METTL15: variants seen among roughly 807,000 people sequenced by gnomAD.
The protein encoded by METTL15 is 12S rRNA N(4)-cytidine methyltransferase METTL15.
A neutral mutation model predicts 38.3 loss-of-function variants in METTL15; 34 were observed. The observed-to-expected ratio is 0.89, with a 90% confidence interval of 0.68 to 1.18. The LOEUF (loss-of-function observed/expected upper bound fraction) is 1.18, where lower values mean the gene tolerates loss of function less well. Among genes scored for constraint, METTL15 ranks in the 50% most tolerant of loss-of-function variants. The pLI, the probability that METTL15 is intolerant of heterozygous loss-of-function variation, is 0.00. For synonymous variants in METTL15, 162 were observed against 170.9 expected (o/e 0.95, Z 0.41); for missense variants, 438 against 498.4 (o/e 0.88, Z 1.15).
chr11:28,301,728 T>C (rs1220706928), intron 6 of METTL15, among the ~76,000 whole-genome samples: 1 of 152,134 alleles, frequency 6.6e-6, no homozygotes, highest in African/African-American at 2.4e-5. Context: ...AATGTGGCTA[T>C]AGAAAAATGT....
chr11:28,232,276 C>A (rs922083584), intron 4 of METTL15, among the ~76,000 whole-genome samples: 1 of 151,976 alleles, frequency 6.6e-6, no homozygotes, highest in African/African-American at 2.4e-5. Flanking sequence ...CTAGCTTTTA[C>A]TATGGAGAAA....
chr11:28,267,227 G>C (rs1239171561), intron 4 of METTL15, among the ~76,000 whole-genome samples: 2 of 149,802 alleles, frequency 1.3e-5, no homozygotes, highest in Non-Finnish European at 3.0e-5. Flanking sequence ...CCAGTGTCTA[G>C]TCTCTTCCTA....
chr11:28,200,453 G>C (rs1276462842), intron 3 of METTL15, among the ~76,000 whole-genome samples: 1 of 152,116 alleles, frequency 6.6e-6, no homozygotes, highest in Admixed American at 6.6e-5. Flanking sequence ...TTCCATAAAT[G>C]TAACATACAT....
chr11:28,135,553 C>T (rs1256429211), intron 3 of METTL15, among the ~76,000 whole-genome samples: 2 of 152,192 alleles, frequency 1.3e-5, no homozygotes, highest in African/African-American at 2.4e-5. Context: ...TTTATTGGCT[C>T]TGCAAGCCAT....
chr11:28,528,916 C>T (rs1851828915), downstream of METTL15, among the ~76,000 whole-genome samples: 1 of 152,024 alleles, frequency 6.6e-6, no homozygotes, highest in Non-Finnish European at 1.5e-5. Context: ...ACAAAAATGG[C>T]CCTGTAGAGA....
At chr11:28,278,129 C>G (rs560173108) in intron 4 of METTL15, among the ~76,000 whole-genome samples, 1 of 152,156 alleles carries the variant, frequency 6.6e-6, no homozygotes, top group South Asian at 2.1e-4. Context: ...CAGAAAAGCC[C>G]TATGGGTGTC....
intron 6 of METTL15, among the ~76,000 whole-genome samples, chr11:28,321,513 A>G (rs773720664): frequency 1.3e-5 from 2 of 152,190 alleles, no homozygotes; most frequent in Non-Finnish European, 1.5e-5. Context: ...GAAGACAACT[A>G]TTAAACTTTA....
intron 6 of METTL15, among the ~76,000 whole-genome samples, chr11:28,496,628 C>T (rs1293230720): frequency 1.3e-5 from 2 of 152,174 alleles, no homozygotes; most frequent in Non-Finnish European, 2.9e-5. Flanking sequence ...GTGAATATTT[C>T]AATGTCTTGG....
chr11:28,212,838 A>C (rs1355178621), intron 4 of METTL15, among the ~76,000 whole-genome samples: 1 of 152,134 alleles, frequency 6.6e-6, no homozygotes, highest in African/African-American at 2.4e-5. Flanking sequence ...AATTCTCGTA[A>C]GATATTGTTG....
At chr11:28,501,700 G>A (rs1851583966) in intron 6 of METTL15, among the ~76,000 whole-genome samples, 1 of 152,088 alleles carries the variant, frequency 6.6e-6, no homozygotes, top group South Asian at 2.1e-4. Flanking sequence ...GAACTCTCAG[G>A]AGTAAGACCA....
At chr11:28,378,522 G>T (rs560887133) in intron 5 of METTL15, among the ~76,000 whole-genome samples, 19 of 152,250 alleles carry the variant, frequency 1.2e-4, no homozygotes, top group Middle Eastern at 3.4e-3. Flanking sequence ...GCTCGTGCAC[G>T]GTGCGTGCAC....
At chr11:28,184,447 C>T (rs1182841206) in intron 3 of METTL15, among the ~76,000 whole-genome samples, 1 of 151,932 alleles carries the variant, frequency 6.6e-6, no homozygotes, top group Non-Finnish European at 1.5e-5. Context: ...CCCAGAGATT[C>T]TGGTACGTTG....
chr11:28,363,082 T>G (rs1322543082), intron 5 of METTL15, among the ~76,000 whole-genome samples: 1 of 152,246 alleles, frequency 6.6e-6, no homozygotes, highest in Non-Finnish European at 1.5e-5. Context: ...TAATCGTGAT[T>G]TTATTTCCAG....
chr11:28,328,826 T>C (rs1035857054), intron 6 of METTL15, among the ~76,000 whole-genome samples: 3 of 152,108 alleles, frequency 2.0e-5, no homozygotes, highest in African/African-American at 7.2e-5. Context: ...ATACATGTAT[T>C]CTGCAGTTTA....
At chr11:28,267,946 C>T (rs1188462046) in intron 4 of METTL15, among the ~76,000 whole-genome samples, 1 of 151,868 alleles carries the variant, frequency 6.6e-6, no homozygotes, top group Non-Finnish European at 1.5e-5. Context: ...GCCTGTAATC[C>T]CAGCACTTTG....
chr11:28,271,996 T>C (rs544206519), intron 4 of METTL15, among the ~76,000 whole-genome samples: 116 of 152,164 alleles, frequency 7.6e-4, no homozygotes, highest in East Asian at 6.8e-3. Flanking sequence ...ATTAGAGAAA[T>C]GCAAATCAAA....
At chr11:28,431,804 A>AG (rs1850932991) in intron 6 of METTL15, among the ~76,000 whole-genome samples, 3 of 23,792 alleles carry the variant, frequency 1.3e-4, no homozygotes, top group African/African-American at 2.7e-4. Context: ...AAAAAAAAAA[A>AG]AAAGAAAAAA....
intron 5 of METTL15, among the ~76,000 whole-genome samples, chr11:28,292,084 T>A (rs1053810872): frequency 9.2e-5 from 14 of 151,928 alleles, no homozygotes; most frequent in Admixed American, 9.2e-4. Flanking sequence ...ATACTTTAAG[T>A]TTTAGGGTAC....
chr11:28,468,236 A>T (rs1388457101), intron 6 of METTL15, among the ~76,000 whole-genome samples: 3 of 152,192 alleles, frequency 2.0e-5, no homozygotes, highest in African/African-American at 7.2e-5. Flanking sequence ...GAGGAAATTA[A>T]ACTACATGTT....
Sources: allele counts gnomAD v4.1 joint callset (sites outside exome capture counted in the v4.1 genomes callset), GRCh38; gene constraint gnomAD v4.1.1; transcripts MANE v1.5; gene names NCBI Gene and HGNC (gene_info 2026-07-23, HGNC 2026-07-21).